Variants in CBLB observed in about 807,000 individuals in gnomAD.
CBLB encodes Cbl proto-oncogene B.
A neutral mutation model predicts 104.9 loss-of-function variants in CBLB; 31 were observed. That is an observed-to-expected ratio of 0.30 (90% CI 0.22 to 0.40). The LOEUF is 0.40. Among genes scored for constraint, CBLB ranks in the 10% least tolerant of loss-of-function variants. The pLI is 1.00. For synonymous variants in CBLB, 440 were observed against 422.6 expected (o/e 1.04, Z -0.51); for missense variants, 1,062 against 1,214.6 (o/e 0.87, Z 1.87).
At position 105,741,089 on chromosome 3, in the gene CBLB, A is replaced by C. The variant is rs1302859897; in HGVS notation, c.846-458T>G. ...ATTCCTTTGTAATTTAGACATAAAA[A>C]TTAGGGTTTTTTTTTTTTTTTTTTT... On this transcript the variant is annotated intron_variant, in intron 6 of 18. Transcript: ENST00000394030. Among the ~76,000 whole-genome samples the C allele has an allele frequency of 2.2e-5, 3 of 138,650 alleles. No homozygotes were observed. The East Asian group carries it at 6.8e-4, about 31-fold the overall frequency. The allele number at this position is 138,650 out of a possible 152,430, so 91.0% of individuals were successfully genotyped here.
At chr3:105,692,377 T>C (rs1475860068) in intron 13 of CBLB, among the ~76,000 whole-genome samples, 1 of 152,158 alleles carries the variant, frequency 6.6e-6, no homozygotes, top group Non-Finnish European at 1.5e-5. Context: ...TGGCAGAGTA[T>C]ATAATTAAAT....
intron 3 of CBLB, among the ~76,000 whole-genome samples, chr3:105,795,580 A>G (rs946385360): frequency 6.6e-6 from 1 of 152,202 alleles, no homozygotes; most frequent in Non-Finnish European, 1.5e-5. Flanking sequence ...ACACAAGCTC[A>G]TGACCACAGG....
chr3:105,708,734 T>C (rs1576506395), intron 10 of CBLB, among the ~76,000 whole-genome samples: 1 of 152,014 alleles, frequency 6.6e-6, no homozygotes, highest in African/African-American at 2.4e-5. Flanking sequence ...AGAATAAAAT[T>C]AATGCATTTG....
At position 105,720,849 on chromosome 3, in the gene CBLB, T is replaced by C. The variant is rs543916085; in HGVS notation, c.1204-599A>G. 3.9e-4 allele frequency among the ~76,000 whole-genome samples: 60 copies of C among 152,338 alleles called. No individual in the cohort carries two copies. In the Middle Eastern group the frequency reaches 0.014, roughly 35 times the overall value. ...GTCATCCTGACACACAGCTCAAATA[T>C]AAAGTTCTCTGTGAGATACTAAGTT... On this transcript the variant is annotated intron_variant, in intron 9 of 18. Coordinates refer to ENST00000394030, the MANE Select transcript of CBLB (RefSeq NM_170662.5).
At chr3:105,745,229 A>T (rs2075992176) in intron 6 of CBLB, among the ~76,000 whole-genome samples, 1 of 152,198 alleles carries the variant, frequency 6.6e-6, no homozygotes, top group Non-Finnish European at 1.5e-5. Context: ...GATGAAATAC[A>T]TGGGAAAATG....
intron 3 of CBLB, among the ~76,000 whole-genome samples, chr3:105,819,209 GGGTGCAGT>G (rs1310102933): frequency 6.6e-6 from 1 of 152,092 alleles, no homozygotes; most frequent in Non-Finnish European, 1.5e-5. Context: ...TAATGAGGCC[GGGTGCAGT>G]GGCTCACGCC....
intron 3 of CBLB, among the ~76,000 whole-genome samples, chr3:105,842,578 T>A (rs1443686331): frequency 6.6e-6 from 1 of 152,136 alleles, no homozygotes; most frequent in East Asian, 1.9e-4. Context: ...GTGGCTTAAA[T>A]AATATGGAAG....
chr3:105,669,348 G>T (rs1385034373), intron 18 of CBLB, among the ~76,000 whole-genome samples: 2 of 152,180 alleles, frequency 1.3e-5, no homozygotes, highest in Non-Finnish European at 2.9e-5. Flanking sequence ...TTGCCCTTGT[G>T]AGGACACAGT....
chr3:105,708,008 T>G (rs922166572), intron 10 of CBLB, among the ~76,000 whole-genome samples: 7 of 152,132 alleles, frequency 4.6e-5, no homozygotes, highest in African/African-American at 1.7e-4. Context: ...TTTTCCCCTG[T>G]ACAGGTAATC....
intron 10 of CBLB, among the ~76,000 whole-genome samples, chr3:105,708,469 G>T (rs573765706): frequency 6.6e-6 from 1 of 152,160 alleles, no homozygotes; most frequent in South Asian, 2.1e-4. Flanking sequence ...TGTTCATACG[G>T]ATACTCTTGA....
chr3:105,671,635 T>TA (rs761887568), intron 17 of CBLB: 18 of 205,506 alleles, frequency 8.8e-5, no homozygotes, highest in Non-Finnish European at 1.6e-4. Flanking sequence ...TTTGATTACT[T>TA]ACGATGAAAA....
rs1325602079 is a variant in CBLB, at chr3:105,656,920, C to G, written c.*2050G>C. ...TAAAACAAGTGAAAAATCATAATGA[C>G]AAAACAGGGGTTCATAAAGCAAAAG... On this transcript the variant is annotated 3_prime_UTR_variant, in exon 19 of 19. Transcript: ENST00000394030. 2 of 214,562 alleles carry G rather than the reference C, an allele frequency of 9.3e-6. No homozygotes were observed. The highest frequency in any genetic ancestry group is 5.8e-5 in the Admixed American group (1 of 17,110). The allele number at this position is 214,562 out of a possible 1,614,324, so 13.3% of individuals were successfully genotyped here. A position where few individuals can be genotyped will look rare whatever the true frequency, so the allele number is the denominator to read the frequency against.
At chr3:105,868,075 A>G (rs1706370992) in intron 1 of CBLB, 2 of 520,098 alleles carry the variant, frequency 3.8e-6, no homozygotes, top group East Asian at 3.3e-5. Context: ...AAACATAAAG[A>G]TTATCCTACA....
chr3:105,831,190 C>T (rs1042993741), intron 3 of CBLB, among the ~76,000 whole-genome samples: 2 of 152,194 alleles, frequency 1.3e-5, no homozygotes, highest in Non-Finnish European at 2.9e-5. Flanking sequence ...AATTCCTCCA[C>T]TCCTGAGATA....
chr3:105,710,476 A>G (rs867731577), intron 10 of CBLB, among the ~76,000 whole-genome samples: 40 of 152,102 alleles, frequency 2.6e-4, no homozygotes, highest in African/African-American at 9.1e-4. Flanking sequence ...CTTTCAAGTT[A>G]AAAGATACTG....
At chr3:105,815,293 T>A (rs529014916) in intron 3 of CBLB, among the ~76,000 whole-genome samples, 6 of 152,300 alleles carry the variant, frequency 3.9e-5, no homozygotes, top group African/African-American at 1.4e-4. Flanking sequence ...CTTTGTTCTT[T>A]TAGAATGTAG....
At chr3:105,832,418 T>C (rs1212631784) in intron 3 of CBLB, among the ~76,000 whole-genome samples, 3 of 152,208 alleles carry the variant, frequency 2.0e-5, no homozygotes, top group South Asian at 2.1e-4. Flanking sequence ...TTCAGTTATA[T>C]ACAAAAACAG....
chr3:105,757,487 G>A (rs1335312182), intron 4 of CBLB, among the ~76,000 whole-genome samples: 1 of 152,144 alleles, frequency 6.6e-6, no homozygotes, highest in East Asian at 1.9e-4. Context: ...CAAGATGCAG[G>A]CAGCAAGGTA....
intron 3 of CBLB, among the ~76,000 whole-genome samples, chr3:105,829,666 CAAAAAAAAAAAAAAAAAAAAAA>C (rs71627689): frequency 3.0e-4 from 14 of 46,986 alleles, no homozygotes; most frequent in Admixed American, 6.1e-4. Context: ...AAGACCGTCC[CAAAAAAAAAAAAAAAAAAAAAA>C]AAAAAAAAAA....
Sources: gnomAD v4.1 joint callset for allele counts (sites outside exome capture counted in the v4.1 genomes callset) on GRCh38, gnomAD v4.1.1 for gene constraint, MANE v1.5 for transcripts, NCBI Gene and HGNC (gene_info 2026-07-23, HGNC 2026-07-21) for gene names.